ETV6: variants seen among roughly 807,000 people sequenced by gnomAD.
ETV6 encodes transcription factor ETV6.
ETV6 carries 16 observed loss-of-function variants against 51.1 expected under a neutral mutation model. That is an observed-to-expected ratio of 0.31 (90% confidence interval 0.21 to 0.48). ETV6 has a LOEUF of 0.48. Among genes scored for constraint, ETV6 ranks in the 20% least tolerant of loss-of-function variants. The probability of loss-of-function intolerance (pLI) is 0.99; values close to 1 mark genes in which losing one functional copy is unlikely to be tolerated. For synonymous variants in ETV6, 240 were observed against 224.1 expected (o/e 1.07, Z -0.64); for missense variants, 458 against 594.8 (o/e 0.77, Z 2.39).
chr12:11,766,830 A>G (rs1945168763), intron 2 of ETV6, among the ~76,000 whole-genome samples: 1 of 152,356 alleles, frequency 6.6e-6, no homozygotes, highest in African/African-American at 2.4e-5. Flanking sequence ...TCTTGAAGGC[A>G]GTAAATGTAA....
At chr12:11,711,746 A>G (rs895880739) in intron 1 of ETV6, among the ~76,000 whole-genome samples, 11 of 152,240 alleles carry the variant, frequency 7.2e-5, no homozygotes, top group African/African-American at 2.4e-4. Flanking sequence ...TGAATAAGGT[A>G]TAGAGGAATA....
intron 1 of ETV6, among the ~76,000 whole-genome samples, chr12:11,677,728 T>C (rs1864447770): frequency 6.6e-6 from 1 of 152,232 alleles, no homozygotes; most frequent in African/African-American, 2.4e-5. Context: ...TCTATAACTT[T>C]GGCGGACAAA....
intron 3 of ETV6, among the ~76,000 whole-genome samples, chr12:11,846,028 C>T (rs1187154636): frequency 6.6e-6 from 1 of 151,224 alleles, no homozygotes; most frequent in Non-Finnish European, 1.5e-5. Flanking sequence ...TAGGACCAAG[C>T]AGAGTTAGAA....
At chr12:11,779,215 T>C (rs1945377506) in intron 2 of ETV6, among the ~76,000 whole-genome samples, 1 of 152,246 alleles carries the variant, frequency 6.6e-6, no homozygotes. Flanking sequence ...ACTCAGCCTT[T>C]CATCATTTTA....
chr12:11,651,968 C>G (rs542483722), intron 1 of ETV6, among the ~76,000 whole-genome samples: 2 of 152,250 alleles, frequency 1.3e-5, no homozygotes, highest in South Asian at 2.1e-4. Flanking sequence ...TCATTGTGCT[C>G]CAGTCGGAAA....
Position 11,839,427 on chromosome 12 carries a change from C to T in ETV6, c.328+123C>T, listed in dbSNP as rs922494850. 121 of 999,826 alleles carry T rather than the reference C, an allele frequency of 1.2e-4. 1 individual carries two copies. The African/African-American group carries it at 1.3e-3, about 11-fold the overall frequency. The allele number at this position is 999,826 out of a possible 1,614,324, so 61.9% of individuals were successfully genotyped here. Reference sequence around the variant, plus strand: ...GTGAGTCATCACAAGGAAGGGATGACGATGGAAGGAAGTTGAAGGAAGATT... The same window carrying T: ...GTGAGTCATCACAAGGAAGGGATGATGATGGAAGGAAGTTGAAGGAAGATT... On this transcript the variant is annotated intron_variant, in intron 3 of 7. Coordinates refer to ENST00000396373, the MANE Select transcript of ETV6 (RefSeq NM_001987.5).
chr12:11,676,466 G>C (rs575081697), intron 1 of ETV6, among the ~76,000 whole-genome samples: 5 of 152,164 alleles, frequency 3.3e-5, no homozygotes, highest in Non-Finnish European at 7.3e-5. Flanking sequence ...CTTTGTCTTG[G>C]ACTGCCCTTG....
At position 11,659,228 on chromosome 12, in the gene ETV6, G is replaced by T. The variant is rs115601448; in HGVS notation, c.33+9068G>T. Among the ~76,000 whole-genome samples, 1,136 of 151,698 alleles carry T rather than the reference G, an allele frequency of 7.5e-3. 11 individuals are homozygous for T. Among genetic ancestry groups the T allele is most frequent in the African/African-American group, 0.026 (1,059 of 40,950 alleles). On this transcript the variant is annotated intron_variant, in intron 1 of 7. Coordinates refer to ENST00000396373, the MANE Select transcript of ETV6 (RefSeq NM_001987.5). The stretch of plus-strand genomic sequence containing the variant: ...CTAGCAGATGTGAGGGGACCGAAGT[G>T]TCTCTTTTCAGCAGTTGTATTCTTC...
chr12:11,715,763 C>T (rs558137132), intron 1 of ETV6, among the ~76,000 whole-genome samples: 9 of 152,186 alleles, frequency 5.9e-5, no homozygotes, highest in Non-Finnish European at 8.8e-5. Flanking sequence ...ATTTTGGTCA[C>T]AATTTCACAA....
chr12:11,667,733 C>T (rs1864222556), intron 1 of ETV6, among the ~76,000 whole-genome samples: 2 of 127,290 alleles, frequency 1.6e-5, no homozygotes, highest in South Asian at 2.7e-4. Context: ...GATGGAGTCT[C>T]ACTCGGCCGC....
chr12:11,687,097 G>T (rs987798445), intron 1 of ETV6, among the ~76,000 whole-genome samples: 1 of 152,110 alleles, frequency 6.6e-6, no homozygotes, highest in South Asian at 2.1e-4. Context: ...TGTTGGTGAG[G>T]CTGGTCTCAA....
In ETV6 at chr12:11,886,104, G is replaced by C. The variant is rs192411478; in HGVS notation, c.1253+78G>C. ...AAATAACGGGGAGTGGGGGGAGACT[G>C]TTAAGATCTCTACCTGCCTATCGGA... On this transcript the variant is annotated intron_variant, in intron 7 of 7. Transcript: ENST00000396373. The C allele has an allele frequency of 1.8e-3, 1,811 of 1,013,598 alleles. 7 individuals carry two copies. The highest frequency in any genetic ancestry group is 4.3e-3 in the Admixed American group (245 of 56,328). The allele number at this position is 1,013,598 out of a possible 1,614,324, so 62.8% of individuals were successfully genotyped here. A position where few individuals can be genotyped will look rare whatever the true frequency, so the allele number is the denominator to read the frequency against.
chr12:11,784,515 ATG>A (rs1945455207), intron 2 of ETV6, among the ~76,000 whole-genome samples: 1 of 151,976 alleles, frequency 6.6e-6, no homozygotes, highest in Non-Finnish European at 1.5e-5. Flanking sequence ...CCATGTGACT[ATG>A]TGAGTTCAAA....
In ETV6 at chr12:11,893,851, CACACAT is replaced by C. The variant is rs1947347025; in HGVS notation, c.*2811_*2816del. 5 of 138,558 alleles carry C rather than the reference CACACAT, an allele frequency of 3.6e-5. 2 individuals are homozygous for C. Among genetic ancestry groups the C allele is most frequent in the African/African-American group, 6.0e-5 (2 of 33,264 alleles). 8.6% of individuals were successfully genotyped at this position (138,558 alleles called of 1,614,324 possible). A position where few individuals can be genotyped will look rare whatever the true frequency, so the allele number is the denominator to read the frequency against. On this transcript the variant is annotated 3_prime_UTR_variant, in exon 8 of 8. Coordinates refer to ENST00000396373, the MANE Select transcript of ETV6 (RefSeq NM_001987.5). The stretch of plus-strand genomic sequence containing the variant: ...ATATATATATATATATACACACACA[CACACAT>C]ACACAAATATTCCAGGATACAAAAA...
chr12:11,867,525 A>G (rs925271690), intron 4 of ETV6, among the ~76,000 whole-genome samples: 6 of 152,180 alleles, frequency 3.9e-5, no homozygotes, highest in Non-Finnish European at 8.8e-5. Flanking sequence ...TAATATTGTG[A>G]ACAATATTTT....
At chr12:11,749,608 C>T (rs1423326168) in intron 1 of ETV6, among the ~76,000 whole-genome samples, 1 of 152,110 alleles carries the variant, frequency 6.6e-6, no homozygotes, top group African/African-American at 2.4e-5. Context: ...TGCTGATGTG[C>T]CAGGGTAGAT....
intron 1 of ETV6, among the ~76,000 whole-genome samples, chr12:11,676,768 A>G (rs1475389295): frequency 2.0e-5 from 3 of 152,134 alleles, no homozygotes; most frequent in African/African-American, 7.2e-5. Context: ...GAGCTTATGA[A>G]CATAGTGTTG....
intron 5 of ETV6, among the ~76,000 whole-genome samples, chr12:11,882,292 A>C (rs1264686297): frequency 2.6e-5 from 4 of 152,208 alleles, no homozygotes; most frequent in African/African-American, 4.8e-5. Flanking sequence ...AGTTCAGAAA[A>C]GATACACTGA....
chr12:11,855,232 G>A (rs1431995965), intron 4 of ETV6, among the ~76,000 whole-genome samples: 1 of 152,136 alleles, frequency 6.6e-6, no homozygotes, highest in Non-Finnish European at 1.5e-5. Flanking sequence ...AGTGAACCCG[G>A]GAGGTGGAGA....
Sources: allele counts gnomAD v4.1 joint callset (sites outside exome capture counted in the v4.1 genomes callset), GRCh38; gene constraint gnomAD v4.1.1; transcripts MANE v1.5; gene names NCBI Gene and HGNC (gene_info 2026-07-23, HGNC 2026-07-21).